The following SORCS1 variants were observed in gnomAD, a reference collection of about 807,000 sequenced individuals.
The protein encoded by SORCS1 is sortilin related VPS10 domain containing receptor 1.
Under a neutral mutation model 146.1 loss-of-function variants are expected in SORCS1, and 60 were observed. That is an observed-to-expected ratio of 0.41 (90% confidence interval 0.33 to 0.51). SORCS1 has a LOEUF of 0.51. Among genes scored for constraint, SORCS1 ranks in the 20% least tolerant of loss-of-function variants. SORCS1 has a pLI of 0.21. For synonymous variants in SORCS1, 637 were observed against 584.0 expected (o/e 1.09, Z -1.31); for missense variants, 1,352 against 1,487.6 (o/e 0.91, Z 1.50).
chr10:107,072,188 C>G (rs1045933921), intron 1 of SORCS1, among the ~76,000 whole-genome samples: 1 of 152,206 alleles, frequency 6.6e-6, no homozygotes, highest in Non-Finnish European at 1.5e-5. Context: ...CTCCTCCAAC[C>G]CTGCAGTCTT....
chr10:106,672,904 G>A lies in SORCS1; in HGVS notation c.2022C>T (p.Ala674=), dbSNP rs759639169. Reference sequence around the variant, plus strand: ...GCTGCCAAGGTCTGTAGTCCTCTTCGGCACACCGTCTATCAAAAATGGACT... The same window carrying A: ...GCTGCCAAGGTCTGTAGTCCTCTTCAGCACACCGTCTATCAAAAATGGACT... ...DYKSIFDRRC[A]EEDYRPWQLH... is the part of the protein sequence containing the mutation. The change falls in exon 15 of 26, where the codon GCC becomes GCT. Residue 674 remains alanine (A), a synonymous_variant. Coordinates refer to ENST00000263054, the MANE Select transcript of SORCS1 (RefSeq NM_052918.5). 22 of 1,613,874 alleles carry A rather than the reference G, an allele frequency of 1.4e-5. No homozygotes were observed. The highest frequency in any genetic ancestry group is 3.3e-5 in the Admixed American group (2 of 59,984).
chr10:107,055,230 G>T (rs1457697196), intron 1 of SORCS1, among the ~76,000 whole-genome samples: 1 of 152,104 alleles, frequency 6.6e-6, no homozygotes, highest in African/African-American at 2.4e-5. Context: ...TTTTATCCCT[G>T]TTACTTTCCG....
At chr10:107,046,224 G>A (rs1031638541) in intron 1 of SORCS1, among the ~76,000 whole-genome samples, 2 of 151,916 alleles carry the variant, frequency 1.3e-5, no homozygotes, top group African/African-American at 2.4e-5. Flanking sequence ...AGTTGCAATC[G>A]GGAGCCACTG....
At chr10:106,673,217 T>C (rs7069405) in intron 14 of SORCS1, among the ~76,000 whole-genome samples, 63,008 of 150,388 alleles carry the variant, frequency 0.42, 13,230 homozygotes, top group South Asian at 0.46. Flanking sequence ...CTACAACCCC[T>C]GACTCCCTGG....
chr10:106,604,185 G>A lies in SORCS1; in HGVS notation c.3165+2981C>T, dbSNP rs191564683. Reference sequence around the variant, plus strand: ...GACGGAGAGAGAGGAAGAGAGGGAAGTAATTTGGTGATACTTTTGAGTGGT... The same window carrying A: ...GACGGAGAGAGAGGAAGAGAGGGAAATAATTTGGTGATACTTTTGAGTGGT... On this transcript the variant is annotated intron_variant, in intron 23 of 25. Coordinates refer to ENST00000263054, the MANE Select transcript of SORCS1 (RefSeq NM_052918.5). 4.6e-5 allele frequency among the ~76,000 whole-genome samples: 7 copies of A among 152,330 alleles called. No homozygotes were observed. The East Asian group carries it at 5.8e-4, about 13-fold the overall frequency.
intron 5 of SORCS1, among the ~76,000 whole-genome samples, chr10:106,744,348 G>T (rs540596656): frequency 3.9e-5 from 6 of 151,986 alleles, no homozygotes; most frequent in African/African-American, 1.4e-4. Context: ...CTCGTGATCC[G>T]CCCACCTCGG....
chr10:106,949,582 C>G (rs776204568), intron 2 of SORCS1, among the ~76,000 whole-genome samples: 1 of 152,162 alleles, frequency 6.6e-6, no homozygotes, highest in Non-Finnish European at 1.5e-5. Flanking sequence ...GTAATGGCCA[C>G]GAAATTGTGT....
chr10:106,797,644 G>T lies in SORCS1; in HGVS notation c.727-20952C>A, dbSNP rs112441351. ...TGCAAAACAAAACCTCTCCAAGCAC[G>T]CTTGGGGTAAAACATCAATCTGAAT... On this transcript the variant is annotated intron_variant, in intron 3 of 25. Transcript: ENST00000263054. 8.5e-3 allele frequency among the ~76,000 whole-genome samples: 1,291 copies of T among 152,040 alleles called. 22 individuals are homozygous for T. The highest frequency in any genetic ancestry group is 0.03 in the African/African-American group (1,249 of 41,456).
At chr10:107,059,507 A>G (rs1333447862) in intron 1 of SORCS1, among the ~76,000 whole-genome samples, 1 of 152,228 alleles carries the variant, frequency 6.6e-6, no homozygotes, top group Non-Finnish European at 1.5e-5. Context: ...CCCAGATGAC[A>G]GAAGAGATGC....
intron 1 of SORCS1, among the ~76,000 whole-genome samples, chr10:107,016,649 C>G (rs1184380996): frequency 1.3e-5 from 2 of 152,304 alleles, no homozygotes; most frequent in Middle Eastern, 3.4e-3. Context: ...CACTTAAGCA[C>G]TAACCATAAA....
At chr10:106,719,691 A>G (rs1855645614) in intron 6 of SORCS1, among the ~76,000 whole-genome samples, 1 of 152,182 alleles carries the variant, frequency 6.6e-6, no homozygotes, top group Admixed American at 6.5e-5. Flanking sequence ...CGTTACAGGC[A>G]TGAGCCACTG....
intron 3 of SORCS1, among the ~76,000 whole-genome samples, chr10:106,808,617 C>G (rs1009622052): frequency 1.3e-5 from 2 of 152,132 alleles, no homozygotes; most frequent in Non-Finnish European, 2.9e-5. Flanking sequence ...ATTCTCCTGC[C>G]TCAGCCTCCC....
intron 3 of SORCS1, among the ~76,000 whole-genome samples, chr10:106,785,657 A>G (rs1946022407): frequency 6.6e-6 from 1 of 152,220 alleles, no homozygotes. Flanking sequence ...ATGAAGTCTC[A>G]GCCACGTGAG....
intron 1 of SORCS1, among the ~76,000 whole-genome samples, chr10:107,065,078 T>C (rs920768618): frequency 1.3e-5 from 2 of 152,118 alleles, no homozygotes; most frequent in Non-Finnish European, 2.9e-5. Flanking sequence ...AGTATATAAT[T>C]GACTGACAGG....
chr10:106,618,319 AG>A (rs768258237), intron 20 of SORCS1, 47 bp from the exon 21 acceptor site: 1 of 1,601,506 alleles, frequency 6.2e-7, no homozygotes, highest in African/African-American at 1.3e-5. Flanking sequence ...CTTTAGTTAC[AG>A]GTGACACAGC....
chr10:106,858,461 T>C (rs529722488), intron 2 of SORCS1, among the ~76,000 whole-genome samples: 4 of 151,750 alleles, frequency 2.6e-5, no homozygotes, highest in African/African-American at 9.7e-5. Context: ...CTACTAAAAA[T>C]ACAAAAAAAT....
chr10:106,852,377 C>T (rs1949618293), intron 2 of SORCS1, among the ~76,000 whole-genome samples: 1 of 152,134 alleles, frequency 6.6e-6, no homozygotes, highest in Admixed American at 6.5e-5. Context: ...CACCTGTAAT[C>T]CCAGCACTTT....
intron 18 of SORCS1, among the ~76,000 whole-genome samples, chr10:106,635,026 C>A (rs371047561): frequency 6.6e-6 from 1 of 152,126 alleles, no homozygotes. Context: ...ATGAAATCCA[C>A]GTGATGATTC....
chr10:107,022,032 A>G (rs765909140), intron 1 of SORCS1, among the ~76,000 whole-genome samples: 3 of 152,158 alleles, frequency 2.0e-5, no homozygotes, highest in Admixed American at 6.5e-5. Context: ...AGCAATTAAC[A>G]TTTGAGTTAT....
Sources: allele counts gnomAD v4.1 joint callset (sites outside exome capture counted in the v4.1 genomes callset), GRCh38; gene constraint gnomAD v4.1.1; transcripts MANE v1.5; gene names NCBI Gene and HGNC (gene_info 2026-07-23, HGNC 2026-07-21).